The following SRBD1 variants were observed in gnomAD, a reference collection of about 807,000 sequenced individuals.
The protein encoded by SRBD1 is S1 RNA binding domain 1, also known as S1 RNA-binding domain-containing protein 1.
In SRBD1, 88 loss-of-function variants were observed where a neutral mutation model predicts 115.3. The ratio of observed to expected loss-of-function variants is 0.76; its 90% CI spans 0.64 to 0.91. The LOEUF is 0.91. Among genes scored for constraint, SRBD1 ranks in the 40% least tolerant of loss-of-function variants. The pLI is 0.00. For synonymous variants in SRBD1, 509 were observed against 407.7 expected, an observed-to-expected ratio of 1.25 and a Z score of -2.99; for missense variants, 1,385 against 1,177.4, an observed-to-expected ratio of 1.18 and a Z score of -2.58.
chr2:45,580,408 C>T (rs746815309), intron 6 of SRBD1, among the ~76,000 whole-genome samples: 20 of 151,794 alleles, frequency 1.3e-4, no homozygotes, highest in African/African-American at 4.4e-4. Flanking sequence ...TGCAGTGGCG[C>T]GATCTCGGCT....
chr2:45,602,442 G>C (rs1469844679), intron 2 of SRBD1, among the ~76,000 whole-genome samples: 2 of 152,122 alleles, frequency 1.3e-5, no homozygotes, highest in East Asian at 3.8e-4. Context: ...AATTTTAACA[G>C]TGAAAAGCAC....
intron 14 of SRBD1, among the ~76,000 whole-genome samples, chr2:45,496,311 A>G (rs1022184416): frequency 2.6e-5 from 4 of 151,840 alleles, no homozygotes; most frequent in Non-Finnish European, 5.9e-5. Flanking sequence ...TCATTATCTA[A>G]TAACGTAAGA....
chr2:45,444,682 GCAT>G (rs1461982346), intron 16 of SRBD1, among the ~76,000 whole-genome samples: 1 of 152,038 alleles, frequency 6.6e-6, no homozygotes, highest in African/African-American at 2.4e-5. Context: ...ATGTTAGTTG[GCAT>G]CATAATTGGG....
intron 20 of SRBD1, 102 bp from the exon 21 acceptor site, chr2:45,389,701 T>C: frequency 8.7e-7 from 1 of 1,151,826 alleles, no homozygotes; most frequent in South Asian, 1.6e-5. Flanking sequence ...CCCAGACCAA[T>C]ATTAAAGATT....
intron 16 of SRBD1, among the ~76,000 whole-genome samples, chr2:45,446,569 G>A (rs1018830136): frequency 1.1e-4 from 16 of 151,934 alleles, no homozygotes; most frequent in African/African-American, 3.6e-4. Context: ...GTCCAATATT[G>A]AATAAGAAAT....
chr2:45,488,091 C>T, intron 15 of SRBD1, 149 bp downstream of exon 15: 1 of 658,314 alleles, frequency 1.5e-6, no homozygotes, highest in Non-Finnish European at 2.6e-6. Context: ...ATTATTAGTC[C>T]AATTAACCAC....
intron 14 of SRBD1, among the ~76,000 whole-genome samples, chr2:45,511,906 C>A (rs17322370): frequency 0.34 from 52,305 of 152,034 alleles, 10,684 homozygotes; most frequent in Non-Finnish European, 0.47. Context: ...TCAACAGCCA[C>A]CTTCAATTAC....
intron 14 of SRBD1, among the ~76,000 whole-genome samples, chr2:45,528,243 T>G (rs1260300774): frequency 6.6e-6 from 1 of 151,702 alleles, no homozygotes; most frequent in Non-Finnish European, 1.5e-5. Context: ...ATGTGTTGGG[T>G]TAAGAAGCGA....
chr2:45,410,213 G>C (rs1667558320), intron 19 of SRBD1, among the ~76,000 whole-genome samples: 1 of 152,136 alleles, frequency 6.6e-6, no homozygotes, highest in Admixed American at 6.6e-5. Context: ...ACACACATTA[G>C]AATGGCTAAA....
At chr2:45,596,948 A>ACACC (rs1050733899) in intron 4 of SRBD1, among the ~76,000 whole-genome samples, 7 of 147,284 alleles carry the variant, frequency 4.8e-5, no homozygotes, top group African/African-American at 7.6e-5. Context: ...ACACACACAC[A>ACACC]CACCCACAAC....
chr2:45,504,189 C>A (rs2103903161), intron 14 of SRBD1, among the ~76,000 whole-genome samples: 1 of 151,496 alleles, frequency 6.6e-6, no homozygotes, highest in Non-Finnish European at 1.5e-5. Context: ...TCACAAATTA[C>A]CCTATAAGTT....
intron 14 of SRBD1, among the ~76,000 whole-genome samples, chr2:45,517,094 A>T (rs1169155508): frequency 6.6e-6 from 1 of 152,246 alleles, no homozygotes; most frequent in Non-Finnish European, 1.5e-5. Flanking sequence ...TTAGCTCTTC[A>T]GAAGGGTTGT....
chr2:45,548,569 G>A (rs1226717881), intron 12 of SRBD1, among the ~76,000 whole-genome samples: 1 of 151,866 alleles, frequency 6.6e-6, no homozygotes, highest in African/African-American at 2.4e-5. Flanking sequence ...ACTGAAAACT[G>A]ATCTAACAAC....
rs1491339030 is a variant in SRBD1 at position 45,414,696 on chromosome 2, A to AG, written c.2334-1404_2334-1403insC. On this transcript the variant is annotated intron_variant, in intron 18 of 20. Transcript: ENST00000263736. ...ATATAGTATGTATATACACACACAC[A>AG]TAGTGTGTATATAGTATGTATATAC... 9.7e-3 allele frequency among the ~76,000 whole-genome samples: 1,306 copies of AG among 135,224 alleles called. 109 individuals carry two copies. The highest frequency in any genetic ancestry group is 0.034 in the African/African-American group (1,246 of 36,628). 88.7% of individuals were successfully genotyped at this position (135,224 alleles called of 152,430 possible). A position where few individuals can be genotyped will look rare whatever the true frequency, so the allele number is the denominator to read the frequency against.
intron 5 of SRBD1, 104 bp from the exon 6 acceptor site, chr2:45,581,914 T>C: frequency 1.2e-6 from 1 of 832,706 alleles, no homozygotes; most frequent in Non-Finnish European, 2.0e-6. Context: ...TAAAAGGAAC[T>C]TTATTGTCTC....
At chr2:45,510,169 C>G (rs72616994) in intron 14 of SRBD1, among the ~76,000 whole-genome samples, 1 of 152,104 alleles carries the variant, frequency 6.6e-6, no homozygotes, top group Non-Finnish European at 1.5e-5. Flanking sequence ...TGTATATACT[C>G]TACTTGTTTA....
chr2:45,435,681 G>A (rs1288081850), intron 16 of SRBD1, among the ~76,000 whole-genome samples: 12 of 151,994 alleles, frequency 7.9e-5, no homozygotes, highest in African/African-American at 2.7e-4. Flanking sequence ...AAGAGACCTC[G>A]TTGAACACCC....
chr2:45,421,441 A>G (rs1667996926), intron 16 of SRBD1, among the ~76,000 whole-genome samples: 1 of 129,868 alleles, frequency 7.7e-6, no homozygotes, highest in South Asian at 2.6e-4. Context: ...CAGGAGGTGG[A>G]GCTTGCAGTG....
At chr2:45,457,167 T>C (rs886977344) in intron 16 of SRBD1, among the ~76,000 whole-genome samples, 1 of 151,816 alleles carries the variant, frequency 6.6e-6, no homozygotes, top group Non-Finnish European at 1.5e-5. Flanking sequence ...CGCCTAATAC[T>C]CCTCCCTGTC....
Sources: gnomAD v4.1 joint callset for allele counts (sites outside exome capture counted in the v4.1 genomes callset) on GRCh38, gnomAD v4.1.1 for gene constraint, MANE v1.5 for transcripts, NCBI Gene and HGNC (gene_info 2026-07-23, HGNC 2026-07-21) for gene names.